XPNPEP3: variants seen among roughly 807,000 people sequenced by gnomAD.
XPNPEP3 encodes X-prolyl aminopeptidase 3.
A neutral mutation model predicts 60.0 loss-of-function variants in XPNPEP3; 41 were observed. The observed-to-expected ratio is 0.68, with a 90% CI of 0.53 to 0.89. The LOEUF (loss-of-function observed/expected upper bound fraction) is 0.89, where lower values mean the gene tolerates loss of function less well. XPNPEP3 is among the 40% of genes least tolerant of loss of function. The pLI, the probability that XPNPEP3 is intolerant of heterozygous loss-of-function variation, is 0.00. For missense variants in XPNPEP3, 598 were observed against 638.9 expected (o/e 0.94, Z 0.69); for synonymous variants, 212 against 223.2 (o/e 0.95, Z 0.45).
chr22:40,868,988 T>C lies in XPNPEP3; in HGVS notation c.65-11T>C. ...TATTGTTTCATTTCATTCTCTTTATTCTTCATTCAGGATGTATGTTGTGTT... is the reference window on the plus strand; with the variant it reads ...TATTGTTTCATTTCATTCTCTTTATCCTTCATTCAGGATGTATGTTGTGTT... On this transcript the variant is annotated splice_polypyrimidine_tract_variant and intron_variant, in intron 1 of 9. Transcript: ENST00000357137. 6.3e-7 allele frequency: 1 copy of C among 1,599,096 alleles called. No individual in the cohort carries two copies. The highest frequency in any genetic ancestry group is 1.7e-5 in the Admixed American group (1 of 60,008).
At chr22:40,871,425 G>C (rs1024438291) in intron 2 of XPNPEP3, among the ~76,000 whole-genome samples, 1 of 152,096 alleles carries the variant, frequency 6.6e-6, no homozygotes, top group African/African-American at 2.4e-5. Flanking sequence ...TGTGCACTTG[G>C]TTTCTCCAAA....
At chr22:40,861,383 A>G in intron 1 of XPNPEP3, 2 of 1,613,694 alleles carry the variant, frequency 1.2e-6, no homozygotes, top group South Asian at 2.2e-5. Context: ...CACTTTCAAT[A>G]ATTTTCTTTG....
At chr22:40,860,806 A>G (rs1163501443) in intron 1 of XPNPEP3, 9 of 637,314 alleles carry the variant, frequency 1.4e-5, no homozygotes, top group Non-Finnish European at 2.3e-5. Flanking sequence ...GCACACCACC[A>G]CACTTGGCTA....
intron 8 of XPNPEP3, among the ~76,000 whole-genome samples, chr22:40,923,877 C>G (rs2058225341): frequency 6.6e-6 from 1 of 151,712 alleles, no homozygotes; most frequent in Non-Finnish European, 1.5e-5. Context: ...AATACCCAAG[C>G]TGGTAGGTGC....
chr22:40,903,800 T>C (rs916370553), intron 4 of XPNPEP3, among the ~76,000 whole-genome samples: 2 of 151,938 alleles, frequency 1.3e-5, no homozygotes, highest in Non-Finnish European at 1.5e-5. Context: ...AAATCATTGA[T>C]TTTTAAAATA....
chr22:40,907,602 A>T lies in XPNPEP3; in HGVS notation c.808A>T (p.Met270Leu), dbSNP rs770558415. ...CTCTTTGCAGGCTTTCATAGAAACC[A>T]TGTTCACCAGTAAAGCCCCTGTGGA... ...KLTSQAFIET[M>L]FTSKAPVEEA... The change falls in exon 5 of 10, where the codon ATG becomes TTG. Residue 270 changes from methionine to leucine, a missense_variant. Met to Leu is a conservative substitution (Grantham distance 15, BLOSUM62 2). Transcript: ENST00000357137. 1.9e-6 allele frequency: 3 copies of T among 1,614,048 alleles called. No individual in the cohort carries two copies. In the South Asian group the frequency reaches 3.3e-5, roughly 18 times the overall value.
chr22:40,878,743 T>C (rs1354123301), intron 2 of XPNPEP3, among the ~76,000 whole-genome samples: 2 of 152,040 alleles, frequency 1.3e-5, no homozygotes, highest in Non-Finnish European at 2.9e-5. Flanking sequence ...TGCGCCACCA[T>C]ACCTGGCTAA....
intron 1 of XPNPEP3, chr22:40,861,015 A>G (rs772146358): frequency 1.1e-5 from 17 of 1,517,200 alleles, no homozygotes; most frequent in Middle Eastern, 1.8e-4. Flanking sequence ...TTTGTGATTA[A>G]CCAAAACACA....
chr22:40,859,967 T>C (rs1021058560), intron 1 of XPNPEP3: 1 of 152,242 alleles, frequency 6.6e-6, no homozygotes, highest in African/African-American at 2.4e-5. Flanking sequence ...GATTCACTGA[T>C]GGCCTACCAT....
chr22:40,884,747 C>T (rs1290459263), intron 3 of XPNPEP3, among the ~76,000 whole-genome samples: 3 of 150,438 alleles, frequency 2.0e-5, no homozygotes, highest in Non-Finnish European at 4.4e-5. Flanking sequence ...AACAATTGGC[C>T]GGGTGCAGTG....
chr22:40,913,258 CAA>C (rs1262905323), intron 6 of XPNPEP3, among the ~76,000 whole-genome samples: 1 of 151,436 alleles, frequency 6.6e-6, no homozygotes, highest in Non-Finnish European at 1.5e-5. Flanking sequence ...ATTATGAGAT[CAA>C]GAGATCGAGA....
chr22:40,913,029 T>C (rs1156354623), intron 6 of XPNPEP3, among the ~76,000 whole-genome samples: 1 of 152,154 alleles, frequency 6.6e-6, no homozygotes, highest in Non-Finnish European at 1.5e-5. Context: ...CTACTGTTTG[T>C]CAAATTTTGT....
At chr22:40,921,486 T>TAAAA (rs1271058960) in intron 7 of XPNPEP3, among the ~76,000 whole-genome samples, 2 of 103,928 alleles carry the variant, frequency 1.9e-5, no homozygotes, top group Non-Finnish European at 4.1e-5. Context: ...ACCTTGTCTC[T>TAAAA]AAAAAAAAAA....
chr22:40,908,565 A>G (rs1197091589), intron 5 of XPNPEP3, among the ~76,000 whole-genome samples: 3 of 152,196 alleles, frequency 2.0e-5, no homozygotes, highest in Admixed American at 2.0e-4. Flanking sequence ...ATACTCACCA[A>G]CCTCCAGCTC....
In XPNPEP3 at chr22:40,909,450, A is replaced by C. The variant is rs531545664; in HGVS notation, c.969+215A>C. Among the ~76,000 whole-genome samples the C allele has an allele frequency of 3.9e-5, 6 of 152,308 alleles. No individual in the cohort carries two copies. In the East Asian group the frequency reaches 1.2e-3, roughly 29 times the overall value. The stretch of plus-strand genomic sequence containing the variant: ...TATTAACATGCCTCTTTAATAGATG[A>C]GGAAAACGAATTTCAAAAAATAAAA... On this transcript the variant is annotated intron_variant, in intron 6 of 9. Coordinates refer to ENST00000357137, the MANE Select transcript of XPNPEP3 (RefSeq NM_022098.4).
At chr22:40,913,581 TG>T (rs1047525714) in intron 6 of XPNPEP3, among the ~76,000 whole-genome samples, 2 of 151,854 alleles carry the variant, frequency 1.3e-5, no homozygotes, top group African/African-American at 4.8e-5. Flanking sequence ...CAAAGGCATA[TG>T]GGTTTTTTTT....
At chr22:40,893,868 G>A (rs748547561) in intron 4 of XPNPEP3, among the ~76,000 whole-genome samples, 7 of 152,118 alleles carry the variant, frequency 4.6e-5, no homozygotes, top group African/African-American at 9.7e-5. Flanking sequence ...TGCCCACCTC[G>A]GCCTCCCAAA....
intron 4 of XPNPEP3, among the ~76,000 whole-genome samples, chr22:40,904,421 C>A (rs2058146536): frequency 6.6e-6 from 1 of 152,044 alleles, no homozygotes; most frequent in Non-Finnish European, 1.5e-5. Context: ...ACCTACAGTC[C>A]CAGCTACTCA....
intron 7 of XPNPEP3, among the ~76,000 whole-genome samples, chr22:40,920,765 G>A (rs948160777): frequency 3.3e-5 from 5 of 151,982 alleles, no homozygotes; most frequent in East Asian, 1.9e-4. Flanking sequence ...TTTGTCTTTC[G>A]GAAATTGGAA....
Sources: gnomAD v4.1 joint callset for allele counts (sites outside exome capture counted in the v4.1 genomes callset) on GRCh38, gnomAD v4.1.1 for gene constraint, MANE v1.5 for transcripts, NCBI Gene and HGNC (gene_info 2026-07-23, HGNC 2026-07-21) for gene names.